LRRC4C: variants seen among roughly 807,000 people sequenced by gnomAD.
The protein encoded by LRRC4C is leucine rich repeat containing 4C, also known as leucine-rich repeat-containing protein 4C.
LRRC4C carries 5 observed loss-of-function variants against 33.6 expected under a neutral mutation model. The observed-to-expected ratio is 0.15, with a 90% confidence interval of 0.08 to 0.31. LRRC4C has a LOEUF of 0.31. Among genes scored for constraint, LRRC4C ranks in the 10% least tolerant of loss-of-function variants. LRRC4C has a pLI of 1.00. For missense variants in LRRC4C, 560 were observed against 796.7 expected, an observed-to-expected ratio of 0.70 and a Z score of 3.58; for synonymous variants, 329 against 302.0, an observed-to-expected ratio of 1.09 and a Z score of -0.93.
At chr11:40,922,835 T>C (rs997086424) in intron 2 of LRRC4C, among the ~76,000 whole-genome samples, 4 of 152,202 alleles carry the variant, frequency 2.6e-5, no homozygotes, top group African/African-American at 9.6e-5. Context: ...TGTGATACTT[T>C]TTTTTTCAGA....
chr11:40,840,337 C>G (rs1195343530), intron 2 of LRRC4C, among the ~76,000 whole-genome samples: 1 of 152,136 alleles, frequency 6.6e-6, no homozygotes, highest in Admixed American at 6.5e-5. Flanking sequence ...AACATTATTT[C>G]TATGTCTTTA....
intron 3 of LRRC4C, among the ~76,000 whole-genome samples, chr11:40,356,700 G>C (rs1947686749): frequency 6.6e-6 from 1 of 152,066 alleles, no homozygotes; most frequent in Admixed American, 6.5e-5. Flanking sequence ...AGTCATAGAG[G>C]GTAACTTGGT....
At position 40,115,676 on chromosome 11, in the gene LRRC4C, A is replaced by T; in HGVS notation, c.617T>A (p.Met206Lys). 2 of 1,614,192 alleles carry T rather than the reference A, an allele frequency of 1.2e-6. No homozygotes were observed. The highest frequency in any genetic ancestry group is 1.7e-6 in the Non-Finnish European group (2 of 1,180,024). Residue 206 changes from methionine to lysine, a missense_variant, in exon 7 of 7, where the codon ATG becomes AAG. Physicochemically the swap from Met to Lys is moderately conservative, Grantham distance 95. Transcript: ENST00000528697. The surrounding 1 kb of genome is among the most constrained non-coding windows in gnomAD (Gnocchi z 6.7). ...LSNLRYLNLAMCNLREIPNLT... is the reference protein window; with the variant it reads ...LSNLRYLNLAKCNLREIPNLT... ...GTTAGGGATTTCCCGAAGGTTGCAC[A>T]TGGCAAGGTTCAAATACCTCAAGTT...
At chr11:40,132,634 G>A (rs371711898) in intron 6 of LRRC4C, among the ~76,000 whole-genome samples, 5 of 151,980 alleles carry the variant, frequency 3.3e-5, no homozygotes, top group Non-Finnish European at 4.4e-5. Flanking sequence ...TGCCTGATGC[G>A]AAAGGAGAAA....
intron 6 of LRRC4C, among the ~76,000 whole-genome samples, chr11:40,118,703 A>G (rs182033896): frequency 6.6e-6 from 1 of 152,288 alleles, no homozygotes; most frequent in Non-Finnish European, 1.5e-5. Flanking sequence ...CCCTCTATCA[A>G]GAGAATGGAA....
At chr11:40,728,816 A>C (rs958234624) in intron 2 of LRRC4C, among the ~76,000 whole-genome samples, 4 of 152,146 alleles carry the variant, frequency 2.6e-5, no homozygotes, top group African/African-American at 9.7e-5. Context: ...AATGAATGAA[A>C]ACTTGTCATT....
chr11:41,277,037 T>A (rs970241064), intron 1 of LRRC4C, among the ~76,000 whole-genome samples: 1 of 152,194 alleles, frequency 6.6e-6, no homozygotes, highest in African/African-American at 2.4e-5. Flanking sequence ...CTATCACAGA[T>A]GTTAAGAATC....
chr11:41,279,276 G>A (rs1473579391), intron 1 of LRRC4C, among the ~76,000 whole-genome samples: 1 of 151,922 alleles, frequency 6.6e-6, no homozygotes, highest in African/African-American at 2.4e-5. Flanking sequence ...ACATATGAGT[G>A]TTTTGTGTTT....
chr11:40,763,126 C>CAT (rs76187051), intron 2 of LRRC4C, among the ~76,000 whole-genome samples: 18,115 of 64,918 alleles, frequency 0.28, 1,471 homozygotes, highest in East Asian at 0.53. Flanking sequence ...TGTGTGTATA[C>CAT]ATATATATAC....
intron 1 of LRRC4C, among the ~76,000 whole-genome samples, chr11:41,457,191 T>G (rs1956196620): frequency 6.6e-6 from 1 of 152,150 alleles, no homozygotes; most frequent in Admixed American, 6.6e-5. Flanking sequence ...TACCAGTATT[T>G]GGTGAGAATA....
chr11:41,426,496 C>T (rs1317710177), intron 1 of LRRC4C: 1 of 152,282 alleles, frequency 6.6e-6, no homozygotes, highest in East Asian at 1.9e-4. Flanking sequence ...CAATGTATAG[C>T]TTGTGCTCGT....
intron 1 of LRRC4C, among the ~76,000 whole-genome samples, chr11:41,051,100 C>A (rs768323753): frequency 1.8e-4 from 27 of 152,092 alleles, no homozygotes; most frequent in Non-Finnish European, 3.1e-4. Context: ...CAATCTCCTG[C>A]ATGATATTAT....
chr11:40,208,303 T>C (rs907022701), intron 5 of LRRC4C, among the ~76,000 whole-genome samples: 5 of 152,276 alleles, frequency 3.3e-5, no homozygotes, highest in Middle Eastern at 3.4e-3. Flanking sequence ...AAGTGATTTT[T>C]CCACTGGGAG....
intron 2 of LRRC4C, among the ~76,000 whole-genome samples, chr11:40,924,183 G>T (rs1356119706): frequency 6.6e-6 from 1 of 151,222 alleles, no homozygotes; most frequent in Non-Finnish European, 1.5e-5. Flanking sequence ...ATGGAAGCTT[G>T]TAGCAAGGAT....
At chr11:40,285,156 G>T (rs1015099164) in intron 4 of LRRC4C, among the ~76,000 whole-genome samples, 1 of 152,106 alleles carries the variant, frequency 6.6e-6, no homozygotes, top group African/African-American at 2.4e-5. Flanking sequence ...AGCATACACA[G>T]GTTAGCCAGG....
intron 3 of LRRC4C, among the ~76,000 whole-genome samples, chr11:40,432,677 C>A (rs1476525480): frequency 6.6e-6 from 1 of 152,154 alleles, no homozygotes. Context: ...CAGACTCTAA[C>A]AGTTTCCTTC....
At chr11:40,693,306 A>G (rs1030482678) in intron 2 of LRRC4C, among the ~76,000 whole-genome samples, 2 of 152,160 alleles carry the variant, frequency 1.3e-5, no homozygotes, top group Non-Finnish European at 2.9e-5. Flanking sequence ...AAAAGAGAGA[A>G]TGGTAAAATA....
At chr11:40,281,911 C>G (rs1943501102) in intron 4 of LRRC4C, among the ~76,000 whole-genome samples, 1 of 152,150 alleles carries the variant, frequency 6.6e-6, no homozygotes, top group African/African-American at 2.4e-5. Context: ...AACAAATAAA[C>G]ACATATAATT....
intron 4 of LRRC4C, among the ~76,000 whole-genome samples, chr11:40,300,753 G>A (rs1411468607): frequency 6.6e-6 from 1 of 152,196 alleles, no homozygotes; most frequent in African/African-American, 2.4e-5. Flanking sequence ...AGGATTCAAT[G>A]TAATACCCAG....
Sources: gnomAD v4.1 joint callset for allele counts (sites outside exome capture counted in the v4.1 genomes callset) on GRCh38, gnomAD v4.1.1 for gene constraint, Gnocchi (gnomAD v3.1) non-coding constraint, MANE v1.5 for transcripts, NCBI Gene and HGNC (gene_info 2026-07-23, HGNC 2026-07-21) for gene names.